Variants in ATAD2B observed in about 807,000 individuals in gnomAD.
ATAD2B encodes the protein ATPase family AAA domain-containing protein 2B.
Under a neutral mutation model 167.6 loss-of-function variants are expected in ATAD2B, and 40 were observed. The ratio of observed to expected loss-of-function variants is 0.24; its 90% CI spans 0.19 to 0.31. The LOEUF is 0.31. Ranked by LOEUF, ATAD2B falls within the 10% of genes least tolerant of loss-of-function variation. The pLI is 1.00. For missense variants in ATAD2B, 1,242 were observed against 1,757.2 expected, an observed-to-expected ratio of 0.71 and a Z score of 5.24; for synonymous variants, 579 against 596.5, an observed-to-expected ratio of 0.97 and a Z score of 0.43.
chr2:23,713,091 T>C, the ATAD2B span, among the ~76,000 whole-genome samples: 1 of 152,260 alleles, frequency 6.6e-6, no homozygotes, highest in African/African-American at 2.4e-5. Flanking sequence ...ATTAGGTTGG[T>C]GCACAAGTAA....
intron 13 of ATAD2B, among the ~76,000 whole-genome samples, chr2:23,834,347 A>G (rs1242653929): frequency 1.3e-5 from 2 of 151,508 alleles, no homozygotes; most frequent in Non-Finnish European, 2.9e-5. Flanking sequence ...TTTTTAGTAG[A>G]GATGGGGTTT....
chr2:23,699,876 C>T, the ATAD2B span, among the ~76,000 whole-genome samples: 1 of 152,224 alleles, frequency 6.6e-6, no homozygotes, highest in African/African-American at 2.4e-5. Flanking sequence ...CCTGTCTTGA[C>T]CTCTCTCTTC....
intron 23 of ATAD2B, among the ~76,000 whole-genome samples, chr2:23,762,869 A>G (rs1479978111): frequency 6.6e-6 from 1 of 152,084 alleles, no homozygotes; most frequent in East Asian, 1.9e-4. Flanking sequence ...GTGGTCCTTA[A>G]GTTGGTTTTT....
At chr2:23,761,381 C>T (rs1356659711) in intron 24 of ATAD2B, among the ~76,000 whole-genome samples, 3 of 152,224 alleles carry the variant, frequency 2.0e-5, no homozygotes, top group African/African-American at 7.2e-5. Flanking sequence ...TTTTTGAGCA[C>T]TGACATGTCG....
intron 15 of ATAD2B, among the ~76,000 whole-genome samples, chr2:23,824,968 G>A (rs754538989): frequency 1.3e-5 from 2 of 152,096 alleles, no homozygotes; most frequent in Non-Finnish European, 2.9e-5. Context: ...TTGGGAGACA[G>A]CATTATCGCT....
chr2:23,818,114 CACACACATT>C (rs1558590847), intron 17 of ATAD2B, among the ~76,000 whole-genome samples: 1 of 100,626 alleles, frequency 9.9e-6, no homozygotes, highest in African/African-American at 3.5e-5. Context: ...CACACACACA[CACACACATT>C]ACACACACAC....
chr2:23,869,552 A>T, intron 9 of ATAD2B, 111 bp downstream of exon 9: 1 of 747,496 alleles, frequency 1.3e-6, no homozygotes, highest in Non-Finnish European at 2.3e-6. Flanking sequence ...TCAATGTCTT[A>T]ATCTAGTCTA....
the ATAD2B span, among the ~76,000 whole-genome samples, chr2:23,726,842 G>C: frequency 6.6e-6 from 1 of 152,172 alleles, no homozygotes; most frequent in Non-Finnish European, 1.5e-5. Context: ...AGTTTTGCAA[G>C]ATGAAAAGTG....
intron 24 of ATAD2B, among the ~76,000 whole-genome samples, chr2:23,759,807 G>A (rs1676426257): frequency 6.6e-6 from 1 of 152,140 alleles, no homozygotes; most frequent in African/African-American, 2.4e-5. Flanking sequence ...ACAGGCTCAG[G>A]TGATGGGCAT....
chr2:23,865,434 C>G, intron 10 of ATAD2B, among the ~76,000 whole-genome samples: 1 of 150,468 alleles, frequency 6.6e-6, no homozygotes, highest in East Asian at 2.0e-4. Flanking sequence ...GAGGCTGAGG[C>G]AGGAGAATAG....
the ATAD2B span, among the ~76,000 whole-genome samples, chr2:23,735,079 T>C: frequency 3.3e-5 from 5 of 152,236 alleles, no homozygotes; most frequent in African/African-American, 7.2e-5. Flanking sequence ...GTCATGGTAC[T>C]GTTCAAAAAC....
At chr2:23,918,513 T>C (rs1415301233) in intron 1 of ATAD2B, among the ~76,000 whole-genome samples, 1 of 152,146 alleles carries the variant, frequency 6.6e-6, no homozygotes, top group Non-Finnish European at 1.5e-5. Flanking sequence ...ACAATATGCC[T>C]GCTCCTCTCC....
intron 1 of ATAD2B, among the ~76,000 whole-genome samples, chr2:23,911,243 C>T (rs914376314): frequency 4.0e-5 from 6 of 148,956 alleles, no homozygotes; most frequent in African/African-American, 1.2e-4. Flanking sequence ...AAAGAGGTAA[C>T]GTTCTTTAAA....
chr2:23,822,589 A>G (rs942915836), intron 16 of ATAD2B, among the ~76,000 whole-genome samples: 24 of 151,422 alleles, frequency 1.6e-4, no homozygotes, highest in Non-Finnish European at 3.2e-4. Context: ...CCCCTGCTCT[A>G]TATAATCAGA....
intron 1 of ATAD2B, among the ~76,000 whole-genome samples, chr2:23,916,024 T>A (rs746066346): frequency 3.3e-5 from 5 of 152,228 alleles, no homozygotes; most frequent in Non-Finnish European, 7.3e-5. Context: ...ACTTACAAAC[T>A]AATTACATTA....
intron 9 of ATAD2B, 60 bp downstream of exon 9, chr2:23,869,603 C>G (rs545533199): frequency 8.3e-7 from 1 of 1,209,834 alleles, no homozygotes; most frequent in Non-Finnish European, 1.2e-6. Context: ...GAAAATCACT[C>G]AAAAAAAACT....
the ATAD2B span, among the ~76,000 whole-genome samples, chr2:23,731,348 G>A: frequency 5.9e-5 from 9 of 152,110 alleles, no homozygotes; most frequent in Non-Finnish European, 1.0e-4. Flanking sequence ...ACTAATAAAT[G>A]AATAAGGAAT....
At chr2:23,917,459 C>G (rs547910818) in intron 1 of ATAD2B, among the ~76,000 whole-genome samples, 7 of 152,296 alleles carry the variant, frequency 4.6e-5, no homozygotes, top group African/African-American at 1.7e-4. Flanking sequence ...GAAAACTTTA[C>G]TCCCCCTAGA....
At chr2:23,856,627 G>A (rs574355790) in intron 13 of ATAD2B, among the ~76,000 whole-genome samples, 23 of 152,224 alleles carry the variant, frequency 1.5e-4, no homozygotes, top group African/African-American at 5.3e-4. Flanking sequence ...TTGGGAGGCG[G>A]AGGCAGGCAG....
Sources: gnomAD v4.1 joint callset for allele counts (sites outside exome capture counted in the v4.1 genomes callset) on GRCh38, gnomAD v4.1.1 for gene constraint, MANE v1.5 for transcripts, NCBI Gene and HGNC (gene_info 2026-07-23, HGNC 2026-07-21) for gene names.